ANKRD28: variants seen among roughly 807,000 people sequenced by gnomAD.
ANKRD28 encodes serine/threonine-protein phosphatase 6 regulatory ankyrin repeat subunit A.
ANKRD28 carries 44 observed loss-of-function variants against 126.5 expected under a neutral mutation model. That is an observed-to-expected ratio of 0.35 (90% CI 0.27 to 0.45). The LOEUF is 0.45. Ranked by LOEUF, ANKRD28 falls within the 20% of genes least tolerant of loss-of-function variation. The pLI is 1.00. For missense variants in ANKRD28, 1,110 were observed against 1,316.6 expected, an observed-to-expected ratio of 0.84 and a Z score of 2.43; for synonymous variants, 442 against 468.5, an observed-to-expected ratio of 0.94 and a Z score of 0.73.
At chr3:15,801,031 G>GT (rs957727418), upstream of ANKRD28, among the ~76,000 whole-genome samples, 14 of 152,064 alleles carry the variant, frequency 9.2e-5, no homozygotes, top group African/African-American at 2.9e-4. This position sits in a 1 kb window ranked among gnomAD's most constrained non-coding sequence, Gnocchi z 4.9. Flanking sequence ...TGTGCAAACT[G>GT]TAAGTTCAAC....
Position 15,796,510 on chromosome 3 carries a change from C to T in ANKRD28, c.12G>A (p.Val4=). Residue 4 remains valine (V), a synonymous_variant, in exon 1 of 28, where the codon GTG becomes GTA. Coordinates refer to ENST00000683139, the MANE Select transcript of ANKRD28 (RefSeq NM_001349278.2). The part of the protein sequence containing the change: MSR[V]CIVVLEEVED... ...CTACCTCCTCCAAAACAACAATACA[C>T]ACTCGACTCATTCGATCTTTTAAAA... 7.8e-7 allele frequency: 1 copy of T among 1,285,680 alleles called. No individual in the cohort carries two copies. The highest frequency in any genetic ancestry group is 1.0e-6 in the Non-Finnish European group (1 of 986,806). 79.6% of individuals were successfully genotyped at this position (1,285,680 alleles called of 1,614,324 possible). A position where few individuals can be genotyped will look rare whatever the true frequency, so the allele number is the denominator to read the frequency against.
rs1014582526 is a variant in ANKRD28 at position 15,761,437 on chromosome 3, T to G, written c.280+4797A>C. Among the ~76,000 whole-genome samples, 3 of 152,192 alleles carry G rather than the reference T, an allele frequency of 2.0e-5. No individual in the cohort carries two copies. The South Asian group carries it at 6.2e-4, about 32-fold the overall frequency. ...TTTCAATTCTAATTTATAACTCAAC[T>G]TACCATAATTCATTAAAAGGCTGTT... On this transcript the variant is annotated intron_variant, in intron 3 of 27. Transcript: ENST00000683139.
rs1331628146 is a variant in ANKRD28 at position 15,854,750 on chromosome 3, A to T, written c.27+4627T>A. 6.6e-6 allele frequency among the ~76,000 whole-genome samples: 1 copy of T among 152,054 alleles called. No homozygotes were observed. The highest frequency in any genetic ancestry group is 1.9e-4 in the East Asian group (1 of 5,190). ...CACCCTTGTGTCCCCTGTCATCTCC[A>T]GCACAAAACAGGAAGACACGCCAGG... On this transcript the variant is annotated intron_variant, in intron 1 of 27. Transcript: ENST00000399451. The surrounding 1 kb of genome is among the most constrained non-coding windows in gnomAD (Gnocchi z 4.1).
intron 4 of ANKRD28, among the ~76,000 whole-genome samples, chr3:15,744,256 G>C (rs1373232161): frequency 6.6e-6 from 1 of 151,874 alleles, no homozygotes; most frequent in Admixed American, 6.6e-5. Context: ...TTTTATAGCT[G>C]TTTCTCATAA....
At chr3:15,720,828 C>A in intron 8 of ANKRD28, 87 bp downstream of exon 8, 1 of 1,193,788 alleles carries the variant, frequency 8.4e-7, no homozygotes, top group South Asian at 1.5e-5. Context: ...TATCAATATT[C>A]CTTTTTATTG....
At chr3:15,752,318 C>T (rs1176436080) in intron 3 of ANKRD28, among the ~76,000 whole-genome samples, 1 of 152,088 alleles carries the variant, frequency 6.6e-6, no homozygotes, top group Non-Finnish European at 1.5e-5. Flanking sequence ...ACAATGGTTA[C>T]AGATTTAGAA....
chr3:15,686,412 C>G, intron 18 of ANKRD28, 103 bp from the exon 19 acceptor site: 1 of 918,720 alleles, frequency 1.1e-6, no homozygotes, highest in Non-Finnish European at 1.7e-6. Flanking sequence ...GGGATAGTTG[C>G]ACTGAATTTA....
intron 13 of ANKRD28, 109 bp from the exon 14 acceptor site, chr3:15,708,173 G>T: frequency 1.6e-6 from 2 of 1,278,786 alleles, no homozygotes; most frequent in Non-Finnish European, 2.2e-6. Flanking sequence ...TATTTACAGT[G>T]AGACTTAGAC....
At position 15,812,659 on chromosome 3, in the gene ANKRD28, T is replaced by A. The variant is rs1246214526; in HGVS notation, c.28-17353A>T. Among the ~76,000 whole-genome samples, 3 of 152,216 alleles carry A rather than the reference T, an allele frequency of 2.0e-5. No individual in the cohort carries two copies. Among genetic ancestry groups the A allele is most frequent in the African/African-American group, 7.2e-5 (3 of 41,444 alleles). On this transcript the variant is annotated intron_variant, in intron 1 of 27. Transcript: ENST00000399451. This position sits in a 1 kb window ranked among gnomAD's most constrained non-coding sequence, Gnocchi z 4.1. ...GAACAGAATTAGGATAGGGGCATTG[T>A]TAAAATTCATCTAAAGCCTTTATTA...
At chr3:15,762,392 C>T (rs534716240) in intron 3 of ANKRD28, among the ~76,000 whole-genome samples, 1 of 152,120 alleles carries the variant, frequency 6.6e-6, no homozygotes, top group African/African-American at 2.4e-5. Context: ...GGAGCCCTTA[C>T]TATTTCCTCA....
intron 1 of ANKRD28, among the ~76,000 whole-genome samples, chr3:15,809,915 A>G (rs2060673670): frequency 6.6e-6 from 1 of 152,196 alleles, no homozygotes; most frequent in Admixed American, 6.5e-5. Flanking sequence ...CCATGCCACT[A>G]CATGCAGCTA....
intron 1 of ANKRD28, among the ~76,000 whole-genome samples, chr3:15,850,190 T>TAAAAAAAAA (rs1238069051): frequency 6.3e-5 from 2 of 31,964 alleles, no homozygotes; most frequent in African/African-American, 1.8e-4. Context: ...CTACATGCAA[T>TAAAAAAAAA]AAAAAAAAAA....
At chr3:15,777,849 TACACACACACACACACACACAC>T (rs569761948) in intron 2 of ANKRD28, among the ~76,000 whole-genome samples, 63 of 106,194 alleles carry the variant, frequency 5.9e-4, no homozygotes, top group Middle Eastern at 5.4e-3. Flanking sequence ...AAAACCAAAC[TACACACACACACACACACACAC>T]ACACACACAC....
chr3:15,762,665 AAG>A (rs1408434436), intron 3 of ANKRD28, among the ~76,000 whole-genome samples: 1 of 152,224 alleles, frequency 6.6e-6, no homozygotes, highest in Non-Finnish European at 1.5e-5. Flanking sequence ...ATTTTTAAGA[AAG>A]CATATCTAAA....
intron 1 of ANKRD28, among the ~76,000 whole-genome samples, chr3:15,848,277 A>G (rs921590206): frequency 2.0e-5 from 3 of 152,242 alleles, no homozygotes; most frequent in Non-Finnish European, 4.4e-5. Context: ...AACTCTGACA[A>G]TAATGTGATC....
At chr3:15,820,515 G>T (rs887515965) in intron 1 of ANKRD28, among the ~76,000 whole-genome samples, 1 of 152,070 alleles carries the variant, frequency 6.6e-6, no homozygotes, top group African/African-American at 2.4e-5. Context: ...AAAGGGAAGG[G>T]GAACGTAGTA....
At chr3:15,783,663 G>T (rs1026491752) in intron 2 of ANKRD28, among the ~76,000 whole-genome samples, 1 of 151,896 alleles carries the variant, frequency 6.6e-6, no homozygotes, top group Admixed American at 6.6e-5. Context: ...CATTACAATG[G>T]AATACTACTC....
rs1270268234 is a variant in ANKRD28, at chr3:15,830,939, T to G, written c.27+28438A>C. ...AAAACTCTGGACAGCAAACCTCACG[T>G]GGGTGGCCTTGGTTGGCAATACTCC... On this transcript the variant is annotated intron_variant, in intron 1 of 27. Transcript: ENST00000399451. The surrounding 1 kb of genome is among the most constrained non-coding windows in gnomAD (Gnocchi z 4.5). Among the ~76,000 whole-genome samples, 1 of 152,106 alleles carries G rather than the reference T, an allele frequency of 6.6e-6. No individual in the cohort carries two copies. Among genetic ancestry groups the G allele is most frequent in the East Asian group, 1.9e-4 (1 of 5,174 alleles).
At chr3:15,751,711 T>C (rs1258645890) in intron 4 of ANKRD28, 39 bp downstream of exon 4, 1 of 1,360,200 alleles carries the variant, frequency 7.4e-7, no homozygotes, top group Non-Finnish European at 1.0e-6. Context: ...CTATTTAATG[T>C]TTTCATATAA....
Sources: gnomAD v4.1 joint callset for allele counts (sites outside exome capture counted in the v4.1 genomes callset) on GRCh38, gnomAD v4.1.1 for gene constraint, Gnocchi (gnomAD v3.1) non-coding constraint, MANE v1.5 for transcripts, NCBI Gene and HGNC (gene_info 2026-07-23, HGNC 2026-07-21) for gene names.